Variants in PTPRT observed in about 807,000 individuals in gnomAD.
PTPRT encodes protein tyrosine phosphatase receptor type T, also known as receptor-type tyrosine-protein phosphatase T.
Under a neutral mutation model 176.8 loss-of-function variants are expected in PTPRT, and 56 were observed. The ratio of observed to expected loss-of-function variants is 0.32; its 90% CI spans 0.26 to 0.40. PTPRT has a LOEUF of 0.40. PTPRT is among the 10% of genes least tolerant of loss of function. The pLI is 1.00. For synonymous variants in PTPRT, 783 were observed against 739.0 expected (o/e 1.06, Z -0.96); for missense variants, 1,540 against 1,908.2 (o/e 0.81, Z 3.60).
intron 5 of PTPRT, among the ~76,000 whole-genome samples, chr20:42,759,815 G>A (rs928594767): frequency 6.6e-6 from 1 of 152,256 alleles, no homozygotes; most frequent in South Asian, 2.1e-4. Flanking sequence ...TGAAATCATC[G>A]TCTGGCCCTC....
intron 1 of PTPRT, among the ~76,000 whole-genome samples, chr20:43,047,652 A>G (rs1986888466): frequency 6.6e-6 from 1 of 152,120 alleles, no homozygotes. Context: ...TTAGTATTTA[A>G]CATTTTCCAG....
chr20:43,017,993 C>T (rs1435984460), intron 1 of PTPRT, among the ~76,000 whole-genome samples: 1 of 152,190 alleles, frequency 6.6e-6, no homozygotes, highest in Admixed American at 6.5e-5. Context: ...TGGTATCTGC[C>T]TAACGTGCCT....
chr20:42,270,327 A>C (rs2056910862), intron 13 of PTPRT: 3 of 1,414,258 alleles, frequency 2.1e-6, no homozygotes, highest in Non-Finnish European at 2.9e-6. Context: ...TCTCTGGTGC[A>C]CCTGGCCTGG....
At chr20:42,217,884 T>G (rs2146773683) in intron 15 of PTPRT, among the ~76,000 whole-genome samples, 1 of 152,366 alleles carries the variant, frequency 6.6e-6, no homozygotes, top group Non-Finnish European at 1.5e-5. Flanking sequence ...GCTTAGTATT[T>G]TAAACATAGC....
At chr20:42,044,097 A>T in the PTPRT span, among the ~76,000 whole-genome samples, 1 of 152,232 alleles carries the variant, frequency 6.6e-6, no homozygotes, top group South Asian at 2.1e-4. Context: ...AGGAAGTCAC[A>T]GTCAAATGAG....
intron 15 of PTPRT, among the ~76,000 whole-genome samples, chr20:42,201,799 G>A (rs1234908315): frequency 1.3e-5 from 2 of 149,908 alleles, no homozygotes; most frequent in Non-Finnish European, 3.0e-5. Flanking sequence ...GCCTGTGGCA[G>A]TTCTCACTAG....
At chr20:42,698,167 A>C (rs778356683) in intron 6 of PTPRT, among the ~76,000 whole-genome samples, 1 of 152,214 alleles carries the variant, frequency 6.6e-6, no homozygotes, top group Non-Finnish European at 1.5e-5. Context: ...AAACCCAACA[A>C]GGTTTCCCAA....
chr20:42,508,717 T>C (rs2071894342), intron 7 of PTPRT, among the ~76,000 whole-genome samples: 1 of 151,678 alleles, frequency 6.6e-6, no homozygotes, highest in East Asian at 1.9e-4. Context: ...CCAGACAATC[T>C]GCCTAGAGAA....
chr20:43,001,375 T>C lies in PTPRT; in HGVS notation c.89-115443A>G, dbSNP rs541961084. On this transcript the variant is annotated intron_variant, in intron 1 of 30. Coordinates refer to ENST00000373187, the MANE Select transcript of PTPRT (RefSeq NM_007050.6). ...ATAATTATGGCATAGTTATACAACT[T>C]TTTAATTGTTAAACTTTATTATTTA... Among the ~76,000 whole-genome samples the C allele has an allele frequency of 2.0e-5, 3 of 152,156 alleles. No homozygotes were observed. In the South Asian group the frequency reaches 6.2e-4, roughly 32 times the overall value.
chr20:42,331,172 T>C (rs1246851112), intron 11 of PTPRT, among the ~76,000 whole-genome samples: 1 of 151,828 alleles, frequency 6.6e-6, no homozygotes, highest in Non-Finnish European at 1.5e-5. Context: ...AGTTCTCAGT[T>C]GAAATGTCGT....
In PTPRT at chr20:42,212,658, G is replaced by A. The variant is rs192145076; in HGVS notation, c.2343-13270C>T. Reference sequence around the variant, plus strand: ...CAGTTTCCTCCTGCCTGTAAAACACGGATTAGAGTAGTACTTCCCCCGTCA... The same window carrying A: ...CAGTTTCCTCCTGCCTGTAAAACACAGATTAGAGTAGTACTTCCCCCGTCA... On this transcript the variant is annotated intron_variant, in intron 15 of 30. Coordinates refer to ENST00000373187, the MANE Select transcript of PTPRT (RefSeq NM_007050.6). Among the ~76,000 whole-genome samples, 48 of 152,236 alleles carry A rather than the reference G, an allele frequency of 3.2e-4. No homozygotes were observed. The East Asian group carries it at 6.6e-3, about 21-fold the overall frequency.
chr20:42,401,137 A>ACAGT (rs777425875), intron 9 of PTPRT, among the ~76,000 whole-genome samples: 1 of 72,364 alleles, frequency 1.4e-5, no homozygotes, highest in Non-Finnish European at 2.8e-5. Context: ...AAACAGTAAT[A>ACAGT]AATAAATAAA....
At chr20:42,520,513 A>G (rs1212537081) in intron 7 of PTPRT, among the ~76,000 whole-genome samples, 2 of 152,138 alleles carry the variant, frequency 1.3e-5, no homozygotes, top group Non-Finnish European at 2.9e-5. Flanking sequence ...TTTAAAGACA[A>G]TGCCTTCAGT....
chr20:42,056,299 T>C, the PTPRT span, among the ~76,000 whole-genome samples: 1 of 152,206 alleles, frequency 6.6e-6, no homozygotes, highest in Non-Finnish European at 1.5e-5. Flanking sequence ...TGTCAACTTA[T>C]AGGGCCAAGT....
chr20:42,863,855 T>A (rs529108153), intron 2 of PTPRT, among the ~76,000 whole-genome samples: 1 of 152,324 alleles, frequency 6.6e-6, no homozygotes, highest in Admixed American at 6.5e-5. Flanking sequence ...ATGTGACATC[T>A]CTTTCAAGAG....
intron 11 of PTPRT, among the ~76,000 whole-genome samples, chr20:42,348,348 C>T (rs2145503146): frequency 6.7e-6 from 1 of 150,178 alleles, no homozygotes; most frequent in East Asian, 2.0e-4. Context: ...CCAACCATTT[C>T]CCCTTTGAGC....
chr20:42,945,833 A>T (rs1430138513), intron 1 of PTPRT, among the ~76,000 whole-genome samples: 2 of 151,938 alleles, frequency 1.3e-5, no homozygotes, highest in Non-Finnish European at 2.9e-5. Flanking sequence ...AGACCCTTTC[A>T]TCACCGCCAG....
chr20:42,610,500 G>A (rs956330726), intron 7 of PTPRT, among the ~76,000 whole-genome samples: 2 of 151,718 alleles, frequency 1.3e-5, no homozygotes, highest in African/African-American at 2.4e-5. Flanking sequence ...GATTACAGGC[G>A]TGAGCCACCA....
At chr20:43,160,284 T>C (rs181050902) in intron 1 of PTPRT, among the ~76,000 whole-genome samples, 1 of 152,284 alleles carries the variant, frequency 6.6e-6, no homozygotes, top group African/African-American at 2.4e-5. Flanking sequence ...CTGAAAGAAG[T>C]TGACCACGCT....
Sources: gnomAD v4.1 joint callset for allele counts (sites outside exome capture counted in the v4.1 genomes callset) on GRCh38, gnomAD v4.1.1 for gene constraint, MANE v1.5 for transcripts, NCBI Gene and HGNC (gene_info 2026-07-23, HGNC 2026-07-21) for gene names.